ARPC2: variants seen among roughly 807,000 people sequenced by gnomAD.
ARPC2 encodes actin related protein 2/3 complex subunit 2, also known as actin-related protein 2/3 complex subunit 2.
Under a neutral mutation model 38.6 loss-of-function variants are expected in ARPC2, and 4 were observed. The ratio of observed to expected loss-of-function variants is 0.10; its 90% CI spans 0.05 to 0.24. The LOEUF (loss-of-function observed/expected upper bound fraction) is 0.24, where lower values mean the gene tolerates loss of function less well. Ranked by LOEUF, ARPC2 falls within the 10% of genes least tolerant of loss-of-function variation. The pLI is 1.00. For missense variants in ARPC2, 229 were observed against 387.3 expected (o/e 0.59, Z 3.43); for synonymous variants, 125 against 140.8 (o/e 0.89, Z 0.79).
chr2:218,250,558 G>A (rs1364913619), intron 10 of ARPC2, among the ~76,000 whole-genome samples: 7 of 151,936 alleles, frequency 4.6e-5, no homozygotes, highest in Non-Finnish European at 8.8e-5. Flanking sequence ...CCGGCTACTC[G>A]GGAGGCTGAG....
In ARPC2 at chr2:218,248,331, G is replaced by A. The variant is rs138409707; in HGVS notation, c.677-1033G>A. On this transcript the variant is annotated intron_variant, in intron 8 of 10. Coordinates refer to ENST00000315717, the MANE Select transcript of ARPC2 (RefSeq NM_152862.3). ...AGGAGGCATTCCTTTTCATTTCAAC[G>A]AAAACTTCAGACAACTGACGGGGTT... 4.5e-4 allele frequency among the ~76,000 whole-genome samples: 69 copies of A among 152,336 alleles called. 2 individuals are homozygous for A. In the South Asian group the frequency reaches 7.7e-3, roughly 17 times the overall value.
chr2:218,226,144 T>C (rs1689490570), intron 3 of ARPC2, among the ~76,000 whole-genome samples, 190 bp downstream of exon 3: 1 of 151,538 alleles, frequency 6.6e-6, no homozygotes, highest in South Asian at 2.1e-4. Flanking sequence ...AATACAAAAA[T>C]TAGCCGGGCA....
intron 10 of ARPC2, 104 bp from the exon 11 acceptor site, chr2:218,253,787 C>A: frequency 7.3e-7 from 1 of 1,376,138 alleles, no homozygotes; most frequent in Non-Finnish European, 9.9e-7. Flanking sequence ...GCCCTTTCCA[C>A]CTCTCATTTG....
chr2:218,218,844 C>G (rs1019230981), intron 2 of ARPC2, among the ~76,000 whole-genome samples: 1 of 152,130 alleles, frequency 6.6e-6, no homozygotes, highest in Non-Finnish European at 1.5e-5. Context: ...TGAAGTAATA[C>G]GTGTAGTGAG....
At chr2:218,224,625 ACT>A (rs1281059662) in intron 2 of ARPC2, among the ~76,000 whole-genome samples, 4 of 152,024 alleles carry the variant, frequency 2.6e-5, no homozygotes, top group East Asian at 3.9e-4. Flanking sequence ...TCTATTCTGA[ACT>A]CTCTGCTTCT....
intron 6 of ARPC2, chr2:218,239,147 A>G (rs1029186929): frequency 3.5e-6 from 2 of 575,992 alleles, no homozygotes; most frequent in African/African-American, 3.8e-5. Flanking sequence ...GGGTGACCAT[A>G]GGTCCATGTT....
Position 218,217,205 on chromosome 2 carries a change from T to TGGCGGC in ARPC2, c.-45_-40dup, listed in dbSNP as rs894642575. 1.9e-4 allele frequency: 83 copies of TGGCGGC among 431,380 alleles called. No homozygotes were observed. The highest frequency in any genetic ancestry group is 2.8e-4 in the Non-Finnish European group (69 of 244,026). The allele number at this position is 431,380 out of a possible 1,614,324, so 26.7% of individuals were successfully genotyped here. A position where few individuals can be genotyped will look rare whatever the true frequency, so the allele number is the denominator to read the frequency against. On this transcript the variant is annotated 5_prime_UTR_variant, in exon 1 of 11. Coordinates refer to ENST00000315717, the MANE Select transcript of ARPC2 (RefSeq NM_152862.3). ...ACCGGGCTTGTCGGTGAAGCGGCAG[T>TGGCGGC]GGCGGCGGCGGCGGCGGCTCGGCAG... is the stretch of plus-strand genomic sequence containing the variant.
chr2:218,251,641 C>T (rs1415572768), intron 10 of ARPC2, among the ~76,000 whole-genome samples: 4 of 151,760 alleles, frequency 2.6e-5, no homozygotes, highest in East Asian at 1.9e-4. Flanking sequence ...TTTGTAGAGA[C>T]GGGATTTCAC....
intron 2 of ARPC2, among the ~76,000 whole-genome samples, chr2:218,221,191 C>T (rs533234602): frequency 2.0e-5 from 3 of 152,238 alleles, no homozygotes; most frequent in Non-Finnish European, 4.4e-5. Context: ...GTGCTGGCTC[C>T]GTGCCACAGC....
intron 5 of ARPC2, among the ~76,000 whole-genome samples, chr2:218,238,332 C>T (rs1176678104): frequency 6.6e-6 from 1 of 152,144 alleles, no homozygotes; most frequent in Non-Finnish European, 1.5e-5. Context: ...TTCTGACTTT[C>T]TCCCATTACA....
chr2:218,227,629 C>T (rs759544236), intron 3 of ARPC2, among the ~76,000 whole-genome samples: 10 of 151,584 alleles, frequency 6.6e-5, no homozygotes, highest in Non-Finnish European at 1.3e-4. Flanking sequence ...CTTGCTCTGT[C>T]GCCCAGGCTG....
chr2:218,238,548 G>GTTGCCTCTAGTCTCTGTTTAC (rs1689829106), intron 5 of ARPC2, 116 bp from the exon 6 acceptor site: 9 of 716,120 alleles, frequency 1.3e-5, no homozygotes, highest in African/African-American at 3.9e-5. Context: ...GATTTTTTTA[G>GTTGCCTCTAGTCTCTGTTTAC]TTGCCTCTAG....
At chr2:218,243,985 G>A (rs1689973162) in intron 7 of ARPC2, among the ~76,000 whole-genome samples, 1 of 152,168 alleles carries the variant, frequency 6.6e-6, no homozygotes, top group Non-Finnish European at 1.5e-5. Flanking sequence ...TTACGTATCT[G>A]TTCTGTTTAA....
chr2:218,217,570 TGGCG>T, intron 2 of ARPC2, 26 bp downstream of exon 2: 1 of 1,597,766 alleles, frequency 6.3e-7, no homozygotes, highest in Non-Finnish European at 8.5e-7. Context: ...GGGCCGGGGG[TGGCG>T]GGGGAAGCAG....
intron 2 of ARPC2, among the ~76,000 whole-genome samples, chr2:218,219,410 C>T (rs1235952552): frequency 6.6e-6 from 1 of 150,678 alleles, no homozygotes; most frequent in African/African-American, 2.4e-5. Flanking sequence ...AATGCAGTGG[C>T]GCGATCTCTG....
chr2:218,238,581 A>G (rs1559480513), intron 5 of ARPC2, 83 bp from the exon 6 acceptor site: 2 of 1,050,456 alleles, frequency 1.9e-6, no homozygotes, highest in Non-Finnish European at 2.7e-6. Context: ...TGGTATAGAT[A>G]GTATGCTGCT....
At chr2:218,234,647 T>G (rs1689724826) in intron 5 of ARPC2, 1 of 530,512 alleles carries the variant, frequency 1.9e-6, no homozygotes, top group African/African-American at 1.9e-5. Context: ...GCCACATGAC[T>G]CTTACTTAAT....
intron 3 of ARPC2, among the ~76,000 whole-genome samples, chr2:218,226,281 G>C (rs1689494130): frequency 6.7e-6 from 1 of 149,160 alleles, no homozygotes; most frequent in African/African-American, 2.5e-5. Flanking sequence ...GATACAGTGA[G>C]ACTGTCTCAA....
intron 10 of ARPC2, among the ~76,000 whole-genome samples, chr2:218,251,837 T>C (rs1690200276): frequency 6.6e-6 from 1 of 152,202 alleles, no homozygotes; most frequent in South Asian, 2.1e-4. Context: ...TTGAGGGCTC[T>C]TCTACCAAGT....
Sources: gnomAD v4.1 joint callset for allele counts (sites outside exome capture counted in the v4.1 genomes callset) on GRCh38, gnomAD v4.1.1 for gene constraint, MANE v1.5 for transcripts, NCBI Gene and HGNC (gene_info 2026-07-23, HGNC 2026-07-21) for gene names.